IL1R1: variants seen among roughly 807,000 people sequenced by gnomAD.
IL1R1 encodes the protein interleukin-1 receptor type 1.
IL1R1 carries 22 observed loss-of-function variants against 50.2 expected under a neutral mutation model. The ratio of observed to expected loss-of-function variants is 0.44; its 90% CI spans 0.31 to 0.63. IL1R1 has a LOEUF of 0.63. Ranked by LOEUF, IL1R1 falls within the 20% of genes least tolerant of loss-of-function variation. IL1R1 has a pLI of 0.07. For missense variants in IL1R1, 509 were observed against 676.2 expected (o/e 0.75, Z 2.74); for synonymous variants, 251 against 236.7 (o/e 1.06, Z -0.55).
At chr2:102,073,079 G>C (rs918708850) in intron 1 of IL1R1, among the ~76,000 whole-genome samples, 1 of 152,076 alleles carries the variant, frequency 6.6e-6, no homozygotes, top group African/African-American at 2.4e-5. Context: ...ATTATGTACT[G>C]GGGGATCAAC....
In IL1R1 at chr2:102,172,799, C is replaced by T; in HGVS notation, c.952C>T (p.His318Tyr). ...HPFTCFAKNTHGIDAAYIQLI... is the reference protein window; with the variant it reads ...HPFTCFAKNTYGIDAAYIQLI... ...ATTTACCTGTTTTGCCAAGAATACACATGGTATAGATGCAGCATATATCCA... is the reference window on the plus strand; with the variant it reads ...ATTTACCTGTTTTGCCAAGAATACATATGGTATAGATGCAGCATATATCCA... The change falls in exon 9 of 12, where the codon CAT becomes TAT. Residue 318 changes from histidine to tyrosine, a missense_variant. By Grantham distance (83) the His-to-Tyr change is moderately conservative (BLOSUM62 2). Transcript: ENST00000410023. The T allele has an allele frequency of 6.2e-7, 1 of 1,611,040 alleles. No homozygotes were observed. The highest frequency in any genetic ancestry group is 1.1e-5 in the South Asian group (1 of 90,974).
chr2:102,097,161 C>T (rs72817889), intron 1 of IL1R1, among the ~76,000 whole-genome samples: 43,476 of 151,938 alleles, frequency 0.29, 7,203 homozygotes, highest in Non-Finnish European at 0.36. Flanking sequence ...GTGACTTTAT[C>T]GGGGATCGGG....
chr2:102,071,061 GAT>G (rs1307717916), intron 1 of IL1R1, among the ~76,000 whole-genome samples: 6 of 151,930 alleles, frequency 3.9e-5, no homozygotes, highest in Non-Finnish European at 8.8e-5. Flanking sequence ...AAAACACTAA[GAT>G]ATTTGAAGAC....
intron 10 of IL1R1, among the ~76,000 whole-genome samples, 154 bp from the exon 11 acceptor site, chr2:102,175,324 T>C (rs1686031615): frequency 6.6e-6 from 1 of 152,172 alleles, no homozygotes; most frequent in South Asian, 2.1e-4. Context: ...GAACACTTTT[T>C]AAAGGGATTA....
intron 10 of IL1R1, 106 bp from the exon 11 acceptor site, chr2:102,175,372 A>T (rs1686036085): frequency 1.2e-6 from 1 of 850,762 alleles, no homozygotes; most frequent in Non-Finnish European, 1.9e-6. Flanking sequence ...GCCATTGTAT[A>T]AAAAAAGATG....
At chr2:102,090,028 G>T (rs1418066924) in intron 1 of IL1R1, among the ~76,000 whole-genome samples, 2 of 151,456 alleles carry the variant, frequency 1.3e-5, no homozygotes, top group African/African-American at 4.9e-5. Flanking sequence ...TAGAGACAGG[G>T]TTTCACCATG....
chr2:102,153,645 C>T (rs3917227), intron 1 of IL1R1, among the ~76,000 whole-genome samples: 1,947 of 152,232 alleles, frequency 0.013, 32 homozygotes, highest in African/African-American at 0.045. Flanking sequence ...AGTGAATTCT[C>T]ATGAGATCTG....
chr2:102,098,667 G>A (rs1303649183), intron 1 of IL1R1, among the ~76,000 whole-genome samples: 1 of 152,146 alleles, frequency 6.6e-6, no homozygotes, highest in Non-Finnish European at 1.5e-5. Context: ...TAAGTCAAAA[G>A]AGATTACAAA....
chr2:102,109,813 C>T (rs1275725764), intron 1 of IL1R1, among the ~76,000 whole-genome samples: 2 of 152,270 alleles, frequency 1.3e-5, no homozygotes, highest in East Asian at 3.9e-4. Context: ...CAAATCTGCA[C>T]CAAGGAACTC....
At chr2:102,114,076 A>C (rs1273788475) in intron 1 of IL1R1, among the ~76,000 whole-genome samples, 1 of 152,182 alleles carries the variant, frequency 6.6e-6, no homozygotes, top group Non-Finnish European at 1.5e-5. Context: ...CTGGTTTTTG[A>C]GTCCATTCAT....
rs1457613287 is a variant in IL1R1 at position 102,150,322 on chromosome 2, A to G, written c.-83-3619A>G. ...GGTATGAAATTCCTTGTAGAGGGACAGGAAGGTGCTGTTGGATGAGGTCAG... is the reference window on the plus strand; with the variant it reads ...GGTATGAAATTCCTTGTAGAGGGACGGGAAGGTGCTGTTGGATGAGGTCAG... On this transcript the variant is annotated intron_variant, in intron 1 of 11. Transcript: ENST00000410023. Among the ~76,000 whole-genome samples the G allele has an allele frequency of 2.6e-5, 4 of 152,230 alleles. No homozygotes were observed. The East Asian group carries it at 5.8e-4, about 22-fold the overall frequency.
chr2:102,158,262 G>A (rs921238393), intron 3 of IL1R1, among the ~76,000 whole-genome samples: 1 of 152,092 alleles, frequency 6.6e-6, no homozygotes, highest in Admixed American at 6.5e-5. Context: ...TAGCTACTGG[G>A]GATACAGCAG....
upstream of IL1R1, among the ~76,000 whole-genome samples, chr2:102,100,155 T>C (rs1185920655): frequency 6.6e-6 from 1 of 152,238 alleles, no homozygotes; most frequent in Admixed American, 6.5e-5. Context: ...AATGCCAATT[T>C]GATAAATTTT....
intron 1 of IL1R1, among the ~76,000 whole-genome samples, chr2:102,106,747 G>A (rs564538185): frequency 3.3e-5 from 5 of 152,156 alleles, no homozygotes; most frequent in African/African-American, 7.2e-5. Flanking sequence ...CATGCTTTTC[G>A]GTTATCTGCT....
chr2:102,103,475 A>G (rs1241015344), upstream of IL1R1, among the ~76,000 whole-genome samples: 1 of 152,216 alleles, frequency 6.6e-6, no homozygotes, highest in Non-Finnish European at 1.5e-5. Context: ...TAGGGTCAGC[A>G]GGCGGCCCAT....
Position 102,131,950 on chromosome 2 carries a change from A to C in IL1R1, c.-83-21991A>C, listed in dbSNP as rs529866956. Among the ~76,000 whole-genome samples the C allele has an allele frequency of 4.6e-5, 7 of 152,276 alleles. 2 individuals carry two copies. The highest frequency in any genetic ancestry group is 4.6e-4 in the Admixed American group (7 of 15,296). ...GAAAAAATCTTAGAAGCCTGAGGGA[A>C]AAAATACGCCTACCAAGAAACAGCA... is the stretch of plus-strand genomic sequence containing the variant. On this transcript the variant is annotated intron_variant, in intron 1 of 10. Transcript: ENST00000409329.
chr2:102,147,886 T>A (rs890747108), intron 1 of IL1R1, among the ~76,000 whole-genome samples: 1 of 152,216 alleles, frequency 6.6e-6, no homozygotes, highest in Non-Finnish European at 1.5e-5. Flanking sequence ...TCCTTGTGCA[T>A]CCTCAATGAT....
chr2:102,109,983 A>AC (rs754558679), intron 1 of IL1R1, among the ~76,000 whole-genome samples: 14 of 152,076 alleles, frequency 9.2e-5, no homozygotes, highest in Non-Finnish European at 1.8e-4. Flanking sequence ...TTTTGGTTAA[A>AC]CTTTTCCATA....
At chr2:102,164,490 T>C (rs1421423798) in intron 3 of IL1R1, among the ~76,000 whole-genome samples, 1 of 152,198 alleles carries the variant, frequency 6.6e-6, no homozygotes. Context: ...CTGAAAGGCA[T>C]GTCTCTCCTC....
Sources: gnomAD v4.1 joint callset for allele counts (sites outside exome capture counted in the v4.1 genomes callset) on GRCh38, gnomAD v4.1.1 for gene constraint, MANE v1.5 for transcripts, NCBI Gene and HGNC (gene_info 2026-07-23, HGNC 2026-07-21) for gene names.